Variants in IQCB1 observed in about 807,000 individuals in gnomAD.
IQCB1 encodes the protein IQ calmodulin-binding motif-containing protein 1.
Under a neutral mutation model 84.4 loss-of-function variants are expected in IQCB1, and 56 were observed. The ratio of observed to expected loss-of-function variants is 0.66; its 90% confidence interval spans 0.54 to 0.83. The LOEUF is 0.83. Among genes scored for constraint, IQCB1 ranks in the 40% least tolerant of loss-of-function variants. IQCB1 has a pLI of 0.00. For synonymous variants in IQCB1, 210 were observed against 234.8 expected (o/e 0.89, Z 0.96); for missense variants, 629 against 682.1 (o/e 0.92, Z 0.87).
intron 5 of IQCB1, among the ~76,000 whole-genome samples, chr3:121,810,672 T>C (rs1210558958): frequency 6.6e-6 from 1 of 152,112 alleles, no homozygotes. Flanking sequence ...GAAGAAAAGA[T>C]AAAGCTTACA....
chr3:121,779,009 T>G (rs964858181), intron 13 of IQCB1, among the ~76,000 whole-genome samples: 2 of 152,078 alleles, frequency 1.3e-5, no homozygotes, highest in African/African-American at 2.4e-5. Flanking sequence ...ACATGGCACA[T>G]GTATACATAT....
At chr3:121,808,021 GA>G (rs1000458930) in intron 6 of IQCB1, among the ~76,000 whole-genome samples, 17 of 152,066 alleles carry the variant, frequency 1.1e-4, no homozygotes, top group African/African-American at 3.9e-4. Context: ...TGTAAAACTA[GA>G]AATAATAGCT....
intron 9 of IQCB1, 105 bp downstream of exon 9, chr3:121,797,013 T>C (rs2108565333): frequency 1.3e-6 from 1 of 750,922 alleles, no homozygotes; most frequent in Admixed American, 1.9e-5. Flanking sequence ...TGGGGGTATT[T>C]TGCTTGAAAT....
chr3:121,784,751 G>A (rs1559759044), intron 12 of IQCB1, among the ~76,000 whole-genome samples: 3 of 151,900 alleles, frequency 2.0e-5, no homozygotes, highest in Non-Finnish European at 4.4e-5. Flanking sequence ...GCTTGATTAT[G>A]GCTCACTGCA....
intron 1 of IQCB1, 41 bp downstream of exon 1, chr3:121,834,925 G>A (rs1708192118): frequency 5.9e-6 from 2 of 339,572 alleles, no homozygotes; most frequent in Non-Finnish European, 1.1e-5. Context: ...TAGGCGCCCT[G>A]GGGCCCTCTC....
At chr3:121,823,996 T>C (rs1383763563) in intron 5 of IQCB1, among the ~76,000 whole-genome samples, 1 of 152,086 alleles carries the variant, frequency 6.6e-6, no homozygotes, top group Non-Finnish European at 1.5e-5. Context: ...ATAGCACAAA[T>C]TAGATTAAAT....
intron 5 of IQCB1, among the ~76,000 whole-genome samples, chr3:121,819,527 C>G (rs905384376): frequency 1.3e-5 from 2 of 151,912 alleles, no homozygotes; most frequent in Non-Finnish European, 2.9e-5. Flanking sequence ...GGCTGGGGAC[C>G]CCTGACATAA....
intron 7 of IQCB1, among the ~76,000 whole-genome samples, chr3:121,801,814 T>TTC (rs1949419321): frequency 6.7e-6 from 1 of 148,722 alleles, no homozygotes; most frequent in South Asian, 2.1e-4. Context: ...CAAGGCCTTT[T>TTC]TTTTTTTTTT....
intron 5 of IQCB1, among the ~76,000 whole-genome samples, chr3:121,816,478 C>T (rs1337493329): frequency 6.6e-6 from 1 of 152,058 alleles, no homozygotes; most frequent in African/African-American, 2.4e-5. Flanking sequence ...TCAGAGTGAA[C>T]AGGCAACCTA....
intron 2 of IQCB1, 129 bp from the exon 3 acceptor site, chr3:121,829,101 G>A (rs370320245): frequency 4.5e-5 from 30 of 659,516 alleles, no homozygotes; most frequent in East Asian, 4.2e-4. Flanking sequence ...GAGGCAGAAT[G>A]TAGATTTTTT....
rs776985950 is a variant in IQCB1 at position 121,790,228 on chromosome 3, CAG to C, written c.987-15_987-14del. 4.3e-6 allele frequency: 7 copies of C among 1,612,530 alleles called. No homozygotes were observed. The highest frequency in any genetic ancestry group is 3.3e-5 in the Admixed American group (2 of 60,008). On this transcript the variant is annotated splice_polypyrimidine_tract_variant and intron_variant, in intron 10 of 14. Transcript: ENST00000310864. The stretch of plus-strand genomic sequence containing the variant: ...TGATCGTTTGGATCTGTGATGGAAA[CAG>C]TGTGTTATACATAATTTTCATAAAT...
At chr3:121,779,015 C>T (rs1387137453) in intron 13 of IQCB1, among the ~76,000 whole-genome samples, 1 of 151,852 alleles carries the variant, frequency 6.6e-6, no homozygotes, top group Non-Finnish European at 1.5e-5. Flanking sequence ...CACATGTATA[C>T]ATATGTAACA....
At chr3:121,789,985 A>G (rs1948892178) in intron 11 of IQCB1, 88 bp downstream of exon 11, 2 of 1,204,276 alleles carry the variant, frequency 1.7e-6, no homozygotes, top group African/African-American at 3.0e-5. Flanking sequence ...CCAAATTTAA[A>G]AAAAAATCAT....
In IQCB1 at chr3:121,828,597, A is replaced by C. The variant is rs1352178655; in HGVS notation, c.136T>G (p.Leu46Val). Reference protein sequence around the residue: ...INITPLGSSELKKIKQDIYCY... With the variant: ...INITPLGSSEVKKIKQDIYCY... ...TATATATCTTGTTTGATTTTCTTCAACTCTGAGCTTCCTAAAGGTGTGATG... is the reference window on the plus strand; with the variant it reads ...TATATATCTTGTTTGATTTTCTTCACCTCTGAGCTTCCTAAAGGTGTGATG... Residue 46 changes from leucine to valine, a missense_variant, in exon 4 of 15, where the codon TTG becomes GTG. Coordinates refer to ENST00000310864, the MANE Select transcript of IQCB1 (RefSeq NM_001023570.4). The C allele has an allele frequency of 6.2e-7, 1 of 1,603,254 alleles. No homozygotes were observed. Among genetic ancestry groups the C allele is most frequent in the East Asian group, 2.2e-5 (1 of 44,750 alleles).
chr3:121,815,655 C>A (rs1242144170), intron 5 of IQCB1, among the ~76,000 whole-genome samples: 1 of 151,990 alleles, frequency 6.6e-6, no homozygotes, highest in Admixed American at 6.6e-5. Context: ...TTCCCATTCA[C>A]AATTGCTACA....
intron 5 of IQCB1, among the ~76,000 whole-genome samples, chr3:121,821,429 C>A (rs765341105): frequency 5.9e-5 from 9 of 152,156 alleles, no homozygotes; most frequent in Non-Finnish European, 1.2e-4. Flanking sequence ...GATAGATAGA[C>A]CAGGTACCAT....
At chr3:121,782,816 A>G (rs984511425) in intron 12 of IQCB1, among the ~76,000 whole-genome samples, 1 of 152,094 alleles carries the variant, frequency 6.6e-6, no homozygotes, top group African/African-American at 2.4e-5. Flanking sequence ...AGTAGCTGGG[A>G]TTACAGGCAT....
intron 5 of IQCB1, among the ~76,000 whole-genome samples, chr3:121,809,902 C>A (rs1242823677): frequency 1.3e-5 from 2 of 151,032 alleles, no homozygotes; most frequent in Non-Finnish European, 3.0e-5. Context: ...TCCTAATATC[C>A]TAGGAATATT....
chr3:121,811,088 G>T (rs1267357321), intron 5 of IQCB1, among the ~76,000 whole-genome samples: 1 of 152,138 alleles, frequency 6.6e-6, no homozygotes, highest in Non-Finnish European at 1.5e-5. Context: ...GAGGTACCCA[G>T]TTCATCTCAT....
Sources: gnomAD v4.1 joint callset for allele counts (sites outside exome capture counted in the v4.1 genomes callset) on GRCh38, gnomAD v4.1.1 for gene constraint, MANE v1.5 for transcripts, NCBI Gene and HGNC (gene_info 2026-07-23, HGNC 2026-07-21) for gene names.